CNTN3: variants seen among roughly 807,000 people sequenced by gnomAD.
CNTN3 encodes the protein contactin-3.
In CNTN3, 60 loss-of-function variants were observed where a neutral mutation model predicts 119.1. That is an observed-to-expected ratio of 0.50 (90% CI 0.41 to 0.62). The LOEUF is 0.62. CNTN3 is among the 20% of genes least tolerant of loss of function. The probability of loss-of-function intolerance (pLI) is 0.00; values close to 1 mark genes in which losing one functional copy is unlikely to be tolerated. For synonymous variants in CNTN3, 450 were observed against 438.7 expected, an observed-to-expected ratio of 1.03 and a Z score of -0.32; for missense variants, 1,101 against 1,242.4, an observed-to-expected ratio of 0.89 and a Z score of 1.71.
chr3:74,367,262 T>A (rs1412307478), intron 8 of CNTN3, among the ~76,000 whole-genome samples: 2 of 152,102 alleles, frequency 1.3e-5, no homozygotes, highest in Non-Finnish European at 2.9e-5. Context: ...TAGGTATGTA[T>A]CATATTACCT....
intron 4 of CNTN3, among the ~76,000 whole-genome samples, chr3:74,477,109 G>A (rs768237794): frequency 7.2e-5 from 11 of 151,974 alleles, no homozygotes; most frequent in Non-Finnish European, 1.3e-4. Context: ...AATGATAATC[G>A]CATGCATTAT....
chr3:74,499,735 T>C lies in CNTN3; in HGVS notation c.106A>G (p.Ile36Val), dbSNP rs1703131270. 1.9e-6 allele frequency: 3 copies of C among 1,611,532 alleles called. No homozygotes were observed. The highest frequency in any genetic ancestry group is 2.5e-6 in the Non-Finnish European group (3 of 1,178,386). ...TTATCTTCTGAACCAACAGGGAAAA[T>C]GCTGTTGCTGGGTTCTTTGATAAAT... ...PVFIKEPSNS[I>V]FPVGSEDKKI... is the part of the protein sequence containing the mutation. Residue 36 changes from isoleucine (I) to valine (V), a missense_variant, in exon 3 of 23, where the codon ATT becomes GTT. By Grantham distance (29) the Ile-to-Val change is conservative. Transcript: ENST00000263665.
intron 2 of CNTN3, among the ~76,000 whole-genome samples, chr3:74,508,867 T>A (rs886524553): frequency 2.3e-4 from 35 of 152,166 alleles, no homozygotes; most frequent in African/African-American, 8.2e-4. Context: ...AACTGCAAGA[T>A]ATTTCTTTCA....
At chr3:74,432,169 A>G (rs1234956677) in intron 4 of CNTN3, among the ~76,000 whole-genome samples, 1 of 152,172 alleles carries the variant, frequency 6.6e-6, no homozygotes, top group Non-Finnish European at 1.5e-5. Context: ...GTCGCTGCCA[A>G]TAAAAGAAAT....
In CNTN3 at chr3:74,506,015, A is replaced by G. The variant is rs1226764350; in HGVS notation, c.56-6230T>C. ...CACAGGACCTAGAAATAAATGTTCAAGTAAAATAATACTGCTCGCAGGAAT... is the reference window on the plus strand; with the variant it reads ...CACAGGACCTAGAAATAAATGTTCAGGTAAAATAATACTGCTCGCAGGAAT... On this transcript the variant is annotated intron_variant, in intron 2 of 22. Coordinates refer to ENST00000263665, the MANE Select transcript of CNTN3 (RefSeq NM_020872.3). 5.9e-5 allele frequency among the ~76,000 whole-genome samples: 9 copies of G among 152,310 alleles called. No individual in the cohort carries two copies. In the East Asian group the frequency reaches 1.7e-3, roughly 29 times the overall value.
intron 1 of CNTN3, among the ~76,000 whole-genome samples, chr3:74,526,584 A>T (rs1031974361): frequency 2.0e-5 from 3 of 151,864 alleles, no homozygotes; most frequent in African/African-American, 7.2e-5. Flanking sequence ...TCAAAGTTAC[A>T]TGAACTCTGG....
At chr3:74,346,230 TTAAG>T (rs1279561598) in intron 11 of CNTN3, among the ~76,000 whole-genome samples, 2 of 152,172 alleles carry the variant, frequency 1.3e-5, no homozygotes, top group Non-Finnish European at 2.9e-5. Context: ...TACTATTTTC[TTAAG>T]TAAATTCATA....
chr3:74,518,893 C>CATATTGTTGTGGGCAA (rs1703495733), intron 2 of CNTN3, among the ~76,000 whole-genome samples: 1 of 151,882 alleles, frequency 6.6e-6, no homozygotes. Context: ...ATTTTGTGGG[C>CATATTGTTGTGGGCAA]ATATGTTGTC....
At chr3:74,333,181 C>T (rs1703307204) in intron 13 of CNTN3, among the ~76,000 whole-genome samples, 1 of 152,180 alleles carries the variant, frequency 6.6e-6, no homozygotes, top group African/African-American at 2.4e-5. Context: ...AGAAAGGGTC[C>T]TAAAATTACA....
chr3:74,527,795 T>C (rs1382685001), intron 1 of CNTN3, among the ~76,000 whole-genome samples: 2 of 151,956 alleles, frequency 1.3e-5, no homozygotes, highest in African/African-American at 4.8e-5. Context: ...TGACTATTTG[T>C]ACTTGACATG....
At chr3:74,322,512 A>G (rs1703020782) in intron 13 of CNTN3, among the ~76,000 whole-genome samples, 1 of 152,228 alleles carries the variant, frequency 6.6e-6, no homozygotes, top group Non-Finnish European at 1.5e-5. Flanking sequence ...GCGAGGATGT[A>G]GAGTAGCAGG....
chr3:74,372,032 C>T (rs764086520), intron 5 of CNTN3, among the ~76,000 whole-genome samples: 55 of 152,110 alleles, frequency 3.6e-4, no homozygotes, highest in Non-Finnish European at 4.6e-4. Context: ...CAGGAATCAC[C>T]TCCTCAAGTG....
chr3:74,516,777 A>C (rs1383033018), intron 2 of CNTN3, among the ~76,000 whole-genome samples: 2 of 144,140 alleles, frequency 1.4e-5, no homozygotes, highest in Non-Finnish European at 3.0e-5. Context: ...CCTGATAAGT[A>C]AATGAGCAAC....
intron 13 of CNTN3, among the ~76,000 whole-genome samples, chr3:74,327,702 A>G (rs1233488801): frequency 6.6e-6 from 1 of 152,140 alleles, no homozygotes; most frequent in Non-Finnish European, 1.5e-5. Flanking sequence ...AATCCTTATT[A>G]TTGGTGGAGG....
At chr3:74,318,904 T>A (rs940932281) in intron 13 of CNTN3, among the ~76,000 whole-genome samples, 2 of 152,144 alleles carry the variant, frequency 1.3e-5, no homozygotes, top group Non-Finnish European at 2.9e-5. Context: ...GAAATTTAAG[T>A]CTTCAGAGGT....
chr3:74,449,614 C>G (rs185654946), intron 4 of CNTN3, among the ~76,000 whole-genome samples: 1 of 152,098 alleles, frequency 6.6e-6, no homozygotes, highest in East Asian at 1.9e-4. Context: ...GATCTGAGGA[C>G]CACACCTTTT....
At chr3:74,273,240 T>C (rs1701816680) in intron 20 of CNTN3, among the ~76,000 whole-genome samples, 1 of 152,200 alleles carries the variant, frequency 6.6e-6, no homozygotes, top group Non-Finnish European at 1.5e-5. Flanking sequence ...GTGCTTGCCT[T>C]ATTCACATTT....
intron 1 of CNTN3, among the ~76,000 whole-genome samples, chr3:74,551,512 G>C (rs756825543): frequency 2.6e-5 from 4 of 151,726 alleles, no homozygotes; most frequent in Non-Finnish European, 5.9e-5. Flanking sequence ...TTACATTAGG[G>C]TTCACTCTCG....
At chr3:74,266,690 C>CA (rs1271209529) in intron 21 of CNTN3, 41 bp from the exon 22 acceptor site, 1 of 1,586,834 alleles carries the variant, frequency 6.3e-7, no homozygotes, top group Admixed American at 1.7e-5. Context: ...TTATATTGCC[C>CA]ATTTTTGTTT....
Sources: gnomAD v4.1 joint callset for allele counts (sites outside exome capture counted in the v4.1 genomes callset) on GRCh38, gnomAD v4.1.1 for gene constraint, MANE v1.5 for transcripts, NCBI Gene and HGNC (gene_info 2026-07-23, HGNC 2026-07-21) for gene names.